ISL1: variants seen among roughly 807,000 people sequenced by gnomAD.
ISL1 encodes the protein ISL LIM homeobox 1.
A neutral mutation model predicts 35.3 loss-of-function variants in ISL1; 4 were observed. That is an observed-to-expected ratio of 0.11 (90% confidence interval 0.06 to 0.26). The LOEUF is 0.26. Ranked by LOEUF, ISL1 falls within the 10% of genes least tolerant of loss-of-function variation. The probability of loss-of-function intolerance (pLI) is 1.00; values close to 1 mark genes in which losing one functional copy is unlikely to be tolerated. For missense variants in ISL1, 340 were observed against 472.8 expected (o/e 0.72, Z 2.60); for synonymous variants, 186 against 172.3 (o/e 1.08, Z -0.62).
chr5:51,386,020 A>G (rs1444313224), intron 2 of ISL1, among the ~76,000 whole-genome samples: 1 of 152,084 alleles, frequency 6.6e-6, no homozygotes, highest in East Asian at 1.9e-4. Flanking sequence ...AGGGAGTGAA[A>G]GGAAGTAAGG....
chr5:51,386,571 T>C (rs1190166662), intron 2 of ISL1: 1 of 455,992 alleles, frequency 2.2e-6, no homozygotes. Flanking sequence ...TCCTGAAAGA[T>C]GGAGAAGGGG....
chr5:51,385,105 C>T (rs1747312408), intron 2 of ISL1, among the ~76,000 whole-genome samples: 1 of 152,110 alleles, frequency 6.6e-6, no homozygotes, highest in Non-Finnish European at 1.5e-5. Flanking sequence ...TTGTATAGTG[C>T]AGTGTTCTGT....
Position 51,386,770 on chromosome 5 carries a change from TA to T in ISL1, c.219-713del, listed in dbSNP as rs1324936950. The stretch of plus-strand genomic sequence containing the variant: ...TTGAGGGAACAGACGCAGATTTTTT[TA>T]AAAAAATAATAATACAAGGAAGAAT... On this transcript the variant is annotated intron_variant, in intron 2 of 5. Transcript: ENST00000230658. 8 of 370,112 alleles carry T rather than the reference TA, an allele frequency of 2.2e-5. No individual in the cohort carries two copies. In the Admixed American group the frequency reaches 2.2e-4, roughly 10 times the overall value. 22.9% of individuals were successfully genotyped at this position (370,112 alleles called of 1,614,324 possible). A position where few individuals can be genotyped will look rare whatever the true frequency, so the allele number is the denominator to read the frequency against.
At chr5:51,391,509 A>G in intron 5 of ISL1, 68 bp downstream of exon 5, 2 of 1,572,180 alleles carry the variant, frequency 1.3e-6, no homozygotes, top group Non-Finnish European at 8.7e-7. Context: ...ACTGTCACAC[A>G]TTGAAAGATT....
At position 51,387,835 on chromosome 5, in the gene ISL1, G is replaced by T. The variant is rs369863299; in HGVS notation, c.478+86G>T. ...GCCACAACAACTATGGTAGCTACAG[G>T]GGTGGTCGTAGTGTTTGCCTGCAGT... On this transcript the variant is annotated intron_variant, in intron 3 of 5. Coordinates refer to ENST00000230658, the MANE Select transcript of ISL1 (RefSeq NM_002202.3). The surrounding 1 kb of genome is among the most constrained non-coding windows in gnomAD (Gnocchi z 4.3). 6 of 1,546,530 alleles carry T rather than the reference G, an allele frequency of 3.9e-6. No homozygotes were observed. Among genetic ancestry groups the T allele is most frequent in the East Asian group, 4.7e-5 (2 of 42,886 alleles).
chr5:51,389,592 C>T lies in ISL1; in HGVS notation c.479-54C>T, dbSNP rs1561207678. ...GAGCGAGCGAGCGCGCGACCGCGGG[C>T]GGGCCGGCAAGCGAGCCTCCAGCCC... On this transcript the variant is annotated intron_variant, in intron 3 of 5. Transcript: ENST00000230658. The surrounding 1 kb of genome is among the most constrained non-coding windows in gnomAD (Gnocchi z 5.0). The T allele has an allele frequency of 2.8e-6, 4 of 1,418,172 alleles. No homozygotes were observed. Among genetic ancestry groups the T allele is most frequent in the East Asian group, 2.8e-5 (1 of 35,492 alleles). The allele number at this position is 1,418,172 out of a possible 1,614,324, so 87.8% of individuals were successfully genotyped here.
At chr5:51,384,172 C>T (rs1747281973) in intron 1 of ISL1, among the ~76,000 whole-genome samples, 1 of 149,128 alleles carries the variant, frequency 6.7e-6, no homozygotes, top group South Asian at 2.1e-4. Flanking sequence ...GTTCACTTAA[C>T]GCTTCTAGTC....
Position 51,383,643 on chromosome 5 carries a change from C to T in ISL1, c.-29C>T, listed in dbSNP as rs751157699. 1.3e-6 allele frequency: 2 copies of T among 1,586,906 alleles called. No homozygotes were observed. The highest frequency in any genetic ancestry group is 1.7e-5 in the Admixed American group (1 of 60,000). ...TTCACCAACTGTACAACCACCATTTCACTGTGGACATTACTCCCTCTTACA... is the reference window on the plus strand; with the variant it reads ...TTCACCAACTGTACAACCACCATTTTACTGTGGACATTACTCCCTCTTACA... On this transcript the variant is annotated 5_prime_UTR_variant, in exon 1 of 6. Coordinates refer to ENST00000230658, the MANE Select transcript of ISL1 (RefSeq NM_002202.3).
At chr5:51,390,025 A>C in intron 4 of ISL1, 93 bp downstream of exon 4, 5 of 1,419,816 alleles carry the variant, frequency 3.5e-6, no homozygotes, top group Non-Finnish European at 4.8e-6. Context: ...CACGGTTTTC[A>C]ATCCTGCTCC....
chr5:51,385,472 C>T (rs1747321303), intron 2 of ISL1, among the ~76,000 whole-genome samples: 1 of 152,160 alleles, frequency 6.6e-6, no homozygotes, highest in Non-Finnish European at 1.5e-5. Context: ...AGCTTCCTTT[C>T]TCACATTAAA....
intron 4 of ISL1, 106 bp downstream of exon 4, chr5:51,390,038 G>GA: frequency 5.3e-6 from 7 of 1,330,124 alleles, no homozygotes; most frequent in Non-Finnish European, 7.2e-6. Flanking sequence ...CCTGCTCCTG[G>GA]GCAGGAGTTT....
intron 1 of ISL1, 117 bp from the exon 2 acceptor site, chr5:51,384,424 A>T: frequency 1.1e-6 from 1 of 873,212 alleles, no homozygotes; most frequent in Non-Finnish European, 1.8e-6. Context: ...AAAAAGAAAG[A>T]AAGAAAGAAA....
At chr5:51,384,507 C>T (rs1160212604) in intron 1 of ISL1, 34 bp from the exon 2 acceptor site, 2 of 1,593,804 alleles carry the variant, frequency 1.3e-6, no homozygotes, top group Admixed American at 1.7e-5. Context: ...AGGAAGTAAA[C>T]GGTTAGTCAA....
At position 51,389,575 on chromosome 5, in the gene ISL1, G is replaced by C; in HGVS notation, c.479-71G>C. On this transcript the variant is annotated intron_variant, in intron 3 of 5. Transcript: ENST00000230658. The surrounding 1 kb of genome is among the most constrained non-coding windows in gnomAD (Gnocchi z 5.0). ...CGGGCGGGCAAGCGAGCGAGCGAGCGAGCGCGCGACCGCGGGCGGGCCGGC... is the reference window on the plus strand; with the variant it reads ...CGGGCGGGCAAGCGAGCGAGCGAGCCAGCGCGCGACCGCGGGCGGGCCGGC... The C allele has an allele frequency of 7.4e-7, 1 of 1,342,954 alleles. No individual in the cohort carries two copies. The highest frequency in any genetic ancestry group is 1.8e-5 in the South Asian group (1 of 55,750). 83.2% of individuals were successfully genotyped at this position (1,342,954 alleles called of 1,614,324 possible). A position where few individuals can be genotyped will look rare whatever the true frequency, so the allele number is the denominator to read the frequency against.
In ISL1 at chr5:51,384,706, C is replaced by T. The variant is rs1747301485; in HGVS notation, c.194C>T (p.Thr65Ile). Residue 65 changes from threonine to isoleucine, a missense_variant, in exon 2 of 6, where the codon ACC becomes ATC. This residue lies in a region of ISL1 where 70 missense variants were observed against 130.3 expected (regional missense o/e 0.54). Transcript: ENST00000230658. ...ACATGCTTTGTTAGGGATGGGAAAA[C>T]CTACTGTAAAAGAGATTATATCAGG... Reference protein sequence around the residue: ...SCTCFVRDGKTYCKRDYIRLY... With the variant: ...SCTCFVRDGKIYCKRDYIRLY... 6.2e-7 allele frequency: 1 copy of T among 1,613,892 alleles called. No homozygotes were observed. Among genetic ancestry groups the T allele is most frequent in the South Asian group, 1.1e-5 (1 of 91,080 alleles).
At chr5:51,386,215 G>T in intron 2 of ISL1, 1 of 158,020 alleles carries the variant, frequency 6.3e-6, no homozygotes, top group Non-Finnish European at 1.4e-5. Context: ...GTGTGTAAAC[G>T]CAAGATTCTA....
In ISL1 at chr5:51,391,418, G is replaced by A; in HGVS notation, c.910G>A (p.Asp304Asn). ...CGACTTCGCCTTGCAGAGTGACATA[G>A]ATCAGCCTGCTTTTCAGCAACTGGT... ...LSDFALQSDI[D>N]QPAFQQLVNF... Residue 304 changes from aspartate to asparagine, a missense_variant, in exon 5 of 6, where the codon GAT becomes AAT. By Grantham distance (23) the Asp-to-Asn change is conservative (BLOSUM62 1). Transcript: ENST00000230658. The A allele has an allele frequency of 6.2e-7, 1 of 1,614,186 alleles. No homozygotes were observed. Among genetic ancestry groups the A allele is most frequent in the Non-Finnish European group, 8.5e-7 (1 of 1,180,038 alleles).
rs1747261921 is a variant in ISL1 at position 51,383,498 on chromosome 5, A to G, written c.-174A>G. 1.2e-5 allele frequency: 8 copies of G among 667,182 alleles called. No homozygotes were observed. Among genetic ancestry groups the G allele is most frequent in the Non-Finnish European group, 2.2e-5 (8 of 368,272 alleles). 41.3% of individuals were successfully genotyped at this position (667,182 alleles called of 1,614,324 possible). A position where few individuals can be genotyped will look rare whatever the true frequency, so the allele number is the denominator to read the frequency against. On this transcript the variant is annotated 5_prime_UTR_variant, in exon 1 of 6. Transcript: ENST00000230658. ...CGCTCCGCCAACTCCGCCGGCTTAAATTGGACTCCTAGATCCGCGAGGGCG... is the reference window on the plus strand; with the variant it reads ...CGCTCCGCCAACTCCGCCGGCTTAAGTTGGACTCCTAGATCCGCGAGGGCG...
rs987309059 is a variant in ISL1, at chr5:51,389,522, C to A, written c.479-124C>A. On this transcript the variant is annotated intron_variant, in intron 3 of 5. Transcript: ENST00000230658. The surrounding 1 kb of genome is among the most constrained non-coding windows in gnomAD (Gnocchi z 5.0). ...ACCCTAGCCATTGTCCTGAGTATCT[C>A]GGGCGGGCGAGCAAGTAAGCGGGCG... 1.5e-5 allele frequency: 12 copies of A among 798,030 alleles called. No individual in the cohort carries two copies. The highest frequency in any genetic ancestry group is 4.1e-4 in the Middle Eastern group (1 of 2,420). 49.4% of individuals were successfully genotyped at this position (798,030 alleles called of 1,614,324 possible). A position where few individuals can be genotyped will look rare whatever the true frequency, so the allele number is the denominator to read the frequency against.
Sources: allele counts gnomAD v4.1 joint callset (sites outside exome capture counted in the v4.1 genomes callset), GRCh38; gene constraint gnomAD v4.1.1; regional missense constraint gnomAD v4.1.1; non-coding constraint Gnocchi (gnomAD v3.1); transcripts MANE v1.5; gene names NCBI Gene and HGNC (gene_info 2026-07-23, HGNC 2026-07-21).